Variants in XKR9 observed in about 807,000 individuals in gnomAD.
The protein encoded by XKR9 is XK related 9, also known as XK-related protein 9.
Under a neutral mutation model 32.0 loss-of-function variants are expected in XKR9, and 32 were observed. The observed-to-expected ratio is 1.00, with a 90% confidence interval of 0.76 to 1.34. The LOEUF (loss-of-function observed/expected upper bound fraction) is 1.34. XKR9 is among the 40% of genes most tolerant of loss of function. The pLI is 0.00. For missense variants in XKR9, 546 were observed against 429.7 expected, an observed-to-expected ratio of 1.27 and a Z score of -2.39; for synonymous variants, 168 against 143.4, an observed-to-expected ratio of 1.17 and a Z score of -1.22.
the XKR9 span, among the ~76,000 whole-genome samples, chr8:70,952,918 A>G: frequency 6.6e-6 from 1 of 152,234 alleles, no homozygotes; most frequent in Non-Finnish European, 1.5e-5. Flanking sequence ...TTTTCATCAA[A>G]TGACATTGCT....
the XKR9 span, among the ~76,000 whole-genome samples, chr8:70,855,392 A>C: frequency 6.6e-6 from 1 of 152,168 alleles, no homozygotes; most frequent in African/African-American, 2.4e-5. Flanking sequence ...TGGAAGACGA[A>C]ATGAATGAAA....
intron 2 of XKR9, chr8:70,780,849 T>C (rs1340537563): frequency 6.6e-6 from 1 of 152,120 alleles, no homozygotes; most frequent in Non-Finnish European, 1.5e-5. Flanking sequence ...CAATGAGGTT[T>C]CTCCTCCTCA....
intron 2 of XKR9, among the ~76,000 whole-genome samples, chr8:70,677,480 C>A (rs1177112921): frequency 6.6e-6 from 1 of 152,140 alleles, no homozygotes; most frequent in Non-Finnish European, 1.5e-5. Flanking sequence ...TAGATCACAT[C>A]ATTTGCAATT....
intron 2 of XKR9, among the ~76,000 whole-genome samples, chr8:70,788,395 T>G (rs1168601055): frequency 6.6e-6 from 1 of 152,122 alleles, no homozygotes; most frequent in African/African-American, 2.4e-5. Flanking sequence ...AATACAAGTA[T>G]GTCATACAAG....
the XKR9 span, among the ~76,000 whole-genome samples, chr8:70,906,006 G>A: frequency 1.3e-5 from 2 of 152,208 alleles, no homozygotes; most frequent in Non-Finnish European, 2.9e-5. Context: ...TCTTGGAGGG[G>A]CACCCAGCTG....
chr8:70,934,557 C>T, the XKR9 span, among the ~76,000 whole-genome samples: 3 of 151,980 alleles, frequency 2.0e-5, no homozygotes, highest in Admixed American at 2.0e-4. Flanking sequence ...CACAATTCCA[C>T]TTAAAAGAAG....
At chr8:70,968,303 T>G in the XKR9 span, among the ~76,000 whole-genome samples, 1 of 152,190 alleles carries the variant, frequency 6.6e-6, no homozygotes, top group East Asian at 1.9e-4. Flanking sequence ...GTTATGCTCC[T>G]CTCTGAACTG....
At chr8:70,807,923 T>C in the XKR9 span, among the ~76,000 whole-genome samples, 2 of 152,180 alleles carry the variant, frequency 1.3e-5, no homozygotes, top group African/African-American at 2.4e-5. Flanking sequence ...CTAATAGACA[T>C]CTACAGAACT....
rs191947517 is a variant in XKR9 at position 70,670,628 on chromosome 8, A to T, written c.-361+1090A>T. On this transcript the variant is annotated intron_variant, in intron 1 of 4. Coordinates refer to ENST00000408926, the MANE Select transcript of XKR9 (RefSeq NM_001011720.2). ...CTTACCTATTTTATGAATCAGCAGC[A>T]TAGTGTATCAGAGTGGCTAATGACA... 2.0e-5 allele frequency: 3 copies of T among 152,230 alleles called. No individual in the cohort carries two copies. In the East Asian group the frequency reaches 5.8e-4, roughly 29 times the overall value. The allele number at this position is 152,230 out of a possible 1,614,324, so 9.4% of individuals were successfully genotyped here. A position where few individuals can be genotyped will look rare whatever the true frequency, so the allele number is the denominator to read the frequency against.
At chr8:70,800,662 T>A in the XKR9 span, among the ~76,000 whole-genome samples, 1 of 152,044 alleles carries the variant, frequency 6.6e-6, no homozygotes, top group Admixed American at 6.5e-5. Context: ...ATTTTTGTAT[T>A]TTTAGTAGAG....
chr8:70,705,515 A>G (rs539103005), intron 3 of XKR9, among the ~76,000 whole-genome samples: 1 of 152,274 alleles, frequency 6.6e-6, no homozygotes, highest in East Asian at 1.9e-4. Flanking sequence ...TATGGAGTTT[A>G]GAAGAGTTCC....
the XKR9 span, among the ~76,000 whole-genome samples, chr8:70,904,719 T>C: frequency 6.6e-6 from 1 of 152,196 alleles, no homozygotes; most frequent in East Asian, 1.9e-4. Context: ...CTAGCATCAA[T>C]GGTCTTTACA....
the XKR9 span, among the ~76,000 whole-genome samples, chr8:70,966,222 G>T: frequency 6.6e-6 from 1 of 151,874 alleles, no homozygotes. Flanking sequence ...CAGTTGAATG[G>T]TTTTGAGTGA....
intron 4 of XKR9, among the ~76,000 whole-genome samples, chr8:70,725,389 A>T (rs935926466): frequency 3.3e-5 from 5 of 152,164 alleles, no homozygotes; most frequent in Non-Finnish European, 5.9e-5. Context: ...CTCTTTCCAA[A>T]TAGGAAATCA....
At chr8:70,781,502 C>A (rs55862702) in intron 2 of XKR9, among the ~76,000 whole-genome samples, 49,670 of 150,562 alleles carry the variant, frequency 0.33, 9,316 homozygotes, top group Non-Finnish European at 0.43. Context: ...ATCAGCATAT[C>A]CATTAACTCA....
At chr8:70,897,963 G>A in the XKR9 span, among the ~76,000 whole-genome samples, 3 of 152,102 alleles carry the variant, frequency 2.0e-5, no homozygotes, top group Non-Finnish European at 2.9e-5. Flanking sequence ...TTAATGTAGA[G>A]GATTACTCAA....
the XKR9 span, among the ~76,000 whole-genome samples, chr8:70,851,768 A>T: frequency 1.3e-5 from 2 of 152,236 alleles, no homozygotes; most frequent in African/African-American, 4.8e-5. Context: ...CTTACACCTT[A>T]TACAAAAATT....
intron 4 of XKR9, among the ~76,000 whole-genome samples, chr8:70,721,420 G>T (rs1482313428): frequency 6.6e-6 from 1 of 151,930 alleles, no homozygotes; most frequent in Non-Finnish European, 1.5e-5. Context: ...ATTTTTCTCA[G>T]TTTCTGATGT....
chr8:70,863,185 G>A, the XKR9 span, among the ~76,000 whole-genome samples: 1 of 152,162 alleles, frequency 6.6e-6, no homozygotes, highest in East Asian at 1.9e-4. Context: ...CTCAGGCCAT[G>A]GCTTCTGGTG....
Sources: gnomAD v4.1 joint callset for allele counts (sites outside exome capture counted in the v4.1 genomes callset) on GRCh38, gnomAD v4.1.1 for gene constraint, MANE v1.5 for transcripts, NCBI Gene and HGNC (gene_info 2026-07-23, HGNC 2026-07-21) for gene names.